Variants in PRKN observed in about 807,000 individuals in gnomAD.
PRKN encodes parkin RBR E3 ubiquitin protein ligase.
PRKN carries 56 observed loss-of-function variants against 59.5 expected under a neutral mutation model. The ratio of observed to expected loss-of-function variants is 0.94; its 90% confidence interval spans 0.76 to 1.18. PRKN has a LOEUF of 1.18. Among genes scored for constraint, PRKN ranks in the 50% most tolerant of loss-of-function variants. PRKN has a pLI of 0.00. For missense variants in PRKN, 657 were observed against 596.4 expected (o/e 1.10, Z -1.06); for synonymous variants, 250 against 222.1 (o/e 1.13, Z -1.12).
intron 1 of PRKN, among the ~76,000 whole-genome samples, chr6:162,603,351 G>A (rs975360069): frequency 6.6e-6 from 1 of 152,158 alleles, no homozygotes; most frequent in African/African-American, 2.4e-5. Flanking sequence ...TTTCTCTTCA[G>A]CTTTTCCCCT....
At chr6:161,744,992 A>G (rs1375791190) in intron 7 of PRKN, among the ~76,000 whole-genome samples, 1 of 152,218 alleles carries the variant, frequency 6.6e-6, no homozygotes, top group Non-Finnish European at 1.5e-5. Context: ...GAGAAAGCAG[A>G]GGTACAGAAA....
intron 7 of PRKN, among the ~76,000 whole-genome samples, chr6:161,607,881 T>C (rs1329971176): frequency 6.6e-6 from 1 of 152,152 alleles, no homozygotes; most frequent in Admixed American, 6.5e-5. Context: ...AAATGGATGA[T>C]GGGCTGGGGG....
At chr6:161,855,029 G>A (rs751042374) in intron 6 of PRKN, among the ~76,000 whole-genome samples, 10 of 146,746 alleles carry the variant, frequency 6.8e-5, no homozygotes, top group Non-Finnish European at 1.2e-4. Flanking sequence ...GTTGCAGTGA[G>A]CCGAGATCAT....
chr6:162,219,987 C>T (rs1434287598), intron 3 of PRKN, among the ~76,000 whole-genome samples: 2 of 152,048 alleles, frequency 1.3e-5, no homozygotes, highest in South Asian at 2.1e-4. Context: ...TATATCCTCT[C>T]ATATATTAAA....
Position 161,898,656 on chromosome 6 carries a change from G to A in PRKN, c.734+74646C>T, listed in dbSNP as rs572920155. Among the ~76,000 whole-genome samples, 42 of 152,260 alleles carry A rather than the reference G, an allele frequency of 2.8e-4. No individual in the cohort carries two copies. In the South Asian group the frequency reaches 5.4e-3, roughly 20 times the overall value. On this transcript the variant is annotated intron_variant, in intron 6 of 11. Coordinates refer to ENST00000366898, the MANE Select transcript of PRKN (RefSeq NM_004562.3). ...GTGGAATGTCATTTTGGTACTGGGC[G>A]AAGCTATCTGGGTAGACAGAACTTC...
intron 4 of PRKN, among the ~76,000 whole-genome samples, chr6:162,081,245 G>A (rs77618018): frequency 0.027 from 4,158 of 152,012 alleles, 176 homozygotes; most frequent in African/African-American, 0.088. Flanking sequence ...ATGGTGAATC[G>A]TTTCCAGAAA....
In PRKN at chr6:161,549,937, G is replaced by C. The variant is rs1267072219; in HGVS notation, c.934-934C>G. Among the ~76,000 whole-genome samples, 4 of 152,102 alleles carry C rather than the reference G, an allele frequency of 2.6e-5. No homozygotes were observed. Among genetic ancestry groups the C allele is most frequent in the Non-Finnish European group, 5.9e-5 (4 of 68,018 alleles). Reference sequence around the variant, plus strand: ...GGTTAGAATGTCTAGGATTTCCAATGGTGCTAAGTGAGGAAGAAAATAATC... The same window carrying C: ...GGTTAGAATGTCTAGGATTTCCAATCGTGCTAAGTGAGGAAGAAAATAATC... On this transcript the variant is annotated intron_variant, in intron 8 of 11. Coordinates refer to ENST00000366898, the MANE Select transcript of PRKN (RefSeq NM_004562.3). This position sits in a 1 kb window ranked among gnomAD's most constrained non-coding sequence, Gnocchi z 6.0.
In PRKN at chr6:161,488,265, T is replaced by G. The variant is rs367688364; in HGVS notation, c.1083+60589A>C. On this transcript the variant is annotated intron_variant, in intron 9 of 11. Transcript: ENST00000366898. The surrounding 1 kb of genome is among the most constrained non-coding windows in gnomAD (Gnocchi z 4.5). ...AGTCTGCTTCATTTAGAGAACACCA[T>G]GAAGGGCCAGGGTACTGGAGCATTG... Among the ~76,000 whole-genome samples, 133 of 152,042 alleles carry G rather than the reference T, an allele frequency of 8.7e-4. No individual in the cohort carries two copies. Among genetic ancestry groups the G allele is most frequent in the African/African-American group, 3.2e-3 (132 of 41,476 alleles).
intron 7 of PRKN, among the ~76,000 whole-genome samples, chr6:161,684,702 A>G (rs1051347533): frequency 6.6e-6 from 1 of 152,206 alleles, no homozygotes; most frequent in Non-Finnish European, 1.5e-5. Context: ...TTAAAATGAG[A>G]TAATTTAACA....
intron 4 of PRKN, among the ~76,000 whole-genome samples, chr6:162,107,974 A>G (rs933785868): frequency 2.6e-5 from 4 of 152,230 alleles, no homozygotes; most frequent in African/African-American, 7.2e-5. Flanking sequence ...AAGGAAATAC[A>G]TATTATGTCT....
chr6:161,419,277 C>G lies in PRKN; in HGVS notation c.1084-32400G>C, dbSNP rs1421171329. 6.6e-6 allele frequency among the ~76,000 whole-genome samples: 1 copy of G among 152,202 alleles called. No homozygotes were observed. The highest frequency in any genetic ancestry group is 2.4e-5 in the African/African-American group (1 of 41,434). Reference sequence around the variant, plus strand: ...GGATGTTTAAAGAGGACAGTGAGGTCCCTGCGCCACAGTGGTAGAAAGTGA... The same window carrying G: ...GGATGTTTAAAGAGGACAGTGAGGTGCCTGCGCCACAGTGGTAGAAAGTGA... On this transcript the variant is annotated intron_variant, in intron 9 of 11. Coordinates refer to ENST00000366898, the MANE Select transcript of PRKN (RefSeq NM_004562.3). The surrounding 1 kb of genome is among the most constrained non-coding windows in gnomAD (Gnocchi z 4.1).
intron 6 of PRKN, among the ~76,000 whole-genome samples, chr6:161,949,762 C>T (rs1250706663): frequency 1.3e-5 from 2 of 152,202 alleles, no homozygotes; most frequent in Non-Finnish European, 2.9e-5. Flanking sequence ...TGGTAACCTA[C>T]TGCTGATACC....
chr6:161,502,335 T>A lies in PRKN; in HGVS notation c.1083+46519A>T, dbSNP rs1777993609. Among the ~76,000 whole-genome samples, 1 of 152,138 alleles carries A rather than the reference T, an allele frequency of 6.6e-6. No individual in the cohort carries two copies. The highest frequency in any genetic ancestry group is 2.4e-5 in the African/African-American group (1 of 41,438). ...AATAACAATATTTTCTCTAAGCTCA[T>A]GAACAATGTTTGGCTGTGCAGAAAA... On this transcript the variant is annotated intron_variant, in intron 9 of 11. Coordinates refer to ENST00000366898, the MANE Select transcript of PRKN (RefSeq NM_004562.3). This position sits in a 1 kb window ranked among gnomAD's most constrained non-coding sequence, Gnocchi z 4.0.
At chr6:162,272,512 A>G (rs1158486567) in intron 2 of PRKN, among the ~76,000 whole-genome samples, 1 of 152,112 alleles carries the variant, frequency 6.6e-6, no homozygotes, top group Non-Finnish European at 1.5e-5. Context: ...GAGCTTAACA[A>G]CACACGCTCT....
chr6:161,437,238 C>T (rs564894951), intron 9 of PRKN, among the ~76,000 whole-genome samples: 53 of 152,220 alleles, frequency 3.5e-4, no homozygotes, highest in South Asian at 1.4e-3. Context: ...CATTGTCCTG[C>T]GCTCATCCTT....
At chr6:161,795,228 C>CTTTTTTTTT (rs58319044) in intron 6 of PRKN, among the ~76,000 whole-genome samples, 8 of 128,424 alleles carry the variant, frequency 6.2e-5, no homozygotes, top group Non-Finnish European at 7.9e-5. Flanking sequence ...GTTTTCTTTT[C>CTTTTTTTTT]TTTTTTTTTT....
intron 6 of PRKN, among the ~76,000 whole-genome samples, chr6:161,902,001 A>C (rs2128235220): frequency 6.6e-6 from 1 of 152,290 alleles, no homozygotes; most frequent in South Asian, 2.1e-4. Context: ...TGTGATGCTG[A>C]CACACGGGGC....
intron 6 of PRKN, among the ~76,000 whole-genome samples, chr6:161,839,896 G>A (rs543820341): frequency 6.6e-6 from 1 of 152,296 alleles, no homozygotes; most frequent in East Asian, 1.9e-4. Flanking sequence ...CAGTTTTAAG[G>A]GAGCTTTAGC....
At position 162,685,243 on chromosome 6, in the gene PRKN, G is replaced by A. The variant is rs142076586; in HGVS notation, c.7+42419C>T. ...TGTGTACTGCAATAAATCAATGTAC[G>A]TTTGCAGTCATCTTTACAGCACAGC... On this transcript the variant is annotated intron_variant, in intron 1 of 11. Transcript: ENST00000366898. Among the ~76,000 whole-genome samples, 744 of 152,200 alleles carry A rather than the reference G, an allele frequency of 4.9e-3. 8 individuals carry two copies. The highest frequency in any genetic ancestry group is 0.017 in the African/African-American group (686 of 41,532).
Sources: allele counts gnomAD v4.1 joint callset (sites outside exome capture counted in the v4.1 genomes callset), GRCh38; gene constraint gnomAD v4.1.1; non-coding constraint Gnocchi (gnomAD v3.1); transcripts MANE v1.5; gene names NCBI Gene and HGNC (gene_info 2026-07-23, HGNC 2026-07-21).